DNAH5: variants seen among roughly 807,000 people sequenced by gnomAD.
DNAH5 encodes the protein dynein axonemal heavy chain 5.
In DNAH5, 372 loss-of-function variants were observed where a neutral mutation model predicts 518.2. The observed-to-expected ratio is 0.72, with a 90% CI of 0.66 to 0.78. DNAH5 has a LOEUF of 0.78. Among genes scored for constraint, DNAH5 ranks in the 30% least tolerant of loss-of-function variants. The pLI is 0.00. For missense variants in DNAH5, 5,523 were observed against 5,687.0 expected (o/e 0.97, Z 0.93); for synonymous variants, 2,039 against 2,025.9 (o/e 1.01, Z -0.17).
intron 1 of DNAH5, among the ~76,000 whole-genome samples, chr5:13,962,902 G>A (rs1050683792): frequency 2.0e-5 from 3 of 152,052 alleles, no homozygotes; most frequent in African/African-American, 7.2e-5. Flanking sequence ...AAACTGTCCC[G>A]GCAGCTGCTC....
chr5:13,786,048 G>A (rs1354366542), intron 52 of DNAH5, 131 bp downstream of exon 52: 1 of 885,416 alleles, frequency 1.1e-6, no homozygotes, highest in African/African-American at 1.7e-5. Context: ...AATTAAATTG[G>A]AATATAGCAT....
chr5:13,806,493 C>T (rs1338760408), intron 47 of DNAH5, among the ~76,000 whole-genome samples: 1 of 152,184 alleles, frequency 6.6e-6, no homozygotes, highest in Non-Finnish European at 1.5e-5. Context: ...ATGCCTTCAA[C>T]AAGTTTCATT....
intron 41 of DNAH5, among the ~76,000 whole-genome samples, chr5:13,818,583 G>A (rs1049858644): frequency 1.3e-5 from 2 of 152,118 alleles, no homozygotes; most frequent in African/African-American, 2.4e-5. Flanking sequence ...CTCAAGCCTC[G>A]GATGAAGTAG....
chr5:13,926,697 G>C (rs201771541), intron 3 of DNAH5, among the ~76,000 whole-genome samples: 1 of 132,594 alleles, frequency 7.5e-6, no homozygotes, highest in Non-Finnish European at 1.7e-5. Context: ...AGTTCAGAAG[G>C]ACTATCACCA....
At chr5:14,007,783 C>CA (rs928038773) in intron 1 of DNAH5, among the ~76,000 whole-genome samples, 19 of 151,516 alleles carry the variant, frequency 1.3e-4, no homozygotes, top group African/African-American at 4.6e-4. Flanking sequence ...TTGGTCCTCA[C>CA]AAAAAAAGAG....
chr5:13,799,715 A>G (rs1758439876), intron 47 of DNAH5, among the ~76,000 whole-genome samples: 1 of 152,086 alleles, frequency 6.6e-6, no homozygotes, highest in African/African-American at 2.4e-5. Flanking sequence ...AATGCTTGGA[A>G]CCAGAAGTGT....
chr5:13,991,898 A>G (rs1783585748), intron 1 of DNAH5, among the ~76,000 whole-genome samples: 1 of 152,226 alleles, frequency 6.6e-6, no homozygotes, highest in Non-Finnish European at 1.5e-5. Flanking sequence ...AAACAGGGTC[A>G]GGATTAAATT....
rs199643592 is a variant in DNAH5 at position 13,792,130 on chromosome 5, C to A, written c.8312G>T (p.Arg2771Leu). 1.2e-6 allele frequency: 2 copies of A among 1,613,890 alleles called. No homozygotes were observed. The highest frequency in any genetic ancestry group is 1.1e-5 in the South Asian group (1 of 91,060). The change falls in exon 50 of 79, where the codon CGC becomes CTC. Residue 2771 changes from arginine to leucine, a missense_variant. Arg to Leu is a moderately radical substitution (Grantham distance 102). Transcript: ENST00000265104. The stretch of plus-strand genomic sequence containing the variant: ...AATCTTGGTCATCTGCCATAGTCGG[C>A]GTGTCAGAGGCACCAATTTTGTCAC... Reference protein sequence around the residue: ...DSVTKLVPLTRRLWQMTKIKM... With the variant: ...DSVTKLVPLTLRLWQMTKIKM...
At chr5:13,713,374 C>T (rs1168144225) in intron 75 of DNAH5, among the ~76,000 whole-genome samples, 2 of 125,924 alleles carry the variant, frequency 1.6e-5, no homozygotes, top group Non-Finnish European at 3.3e-5. Flanking sequence ...TATATATATA[C>T]CGACATATAT....
intron 1 of DNAH5, among the ~76,000 whole-genome samples, chr5:14,009,559 G>T (rs187627563): frequency 6.6e-6 from 1 of 152,056 alleles, no homozygotes; most frequent in African/African-American, 2.4e-5. Flanking sequence ...CAATTATTAG[G>T]GCTACCAAAA....
chr5:14,004,522 C>A lies in DNAH5; in HGVS notation c.12+7126G>T, dbSNP rs1159405154. ...ATGCACCTTGCATTGCAAAAGTTAT[C>A]AATACCCAATGGCAGCAGCACACTG... On this transcript the variant is annotated intron_variant, in intron 1 of 78. Coordinates refer to the DNAH5 transcript ENST00000681290. Among the ~76,000 whole-genome samples the A allele has an allele frequency of 2.0e-5, 3 of 152,188 alleles. No individual in the cohort carries two copies. The East Asian group carries it at 5.8e-4, about 29-fold the overall frequency.
intron 29 of DNAH5, 136 bp downstream of exon 29, chr5:13,862,408 TAATC>T (rs1452514604): frequency 1.2e-5 from 9 of 782,102 alleles, no homozygotes; most frequent in African/African-American, 8.7e-5. Flanking sequence ...AAAAATTAAT[TAATC>T]AATGTAATTA....
chr5:13,882,879 A>C (rs772861284), intron 20 of DNAH5, 25 bp downstream of exon 20: 2 of 1,614,096 alleles, frequency 1.2e-6, no homozygotes, highest in Admixed American at 3.3e-5. Context: ...TTCCATATGA[A>C]ACCATTTCTG....
intron 75 of DNAH5, among the ~76,000 whole-genome samples, chr5:13,713,107 G>GTGTGTATATATATATATATC (rs70962100): frequency 7.1e-6 from 1 of 139,924 alleles, no homozygotes; most frequent in African/African-American, 2.7e-5. Flanking sequence ...GTGTGTGTGT[G>GTGTGTATATATATATATATC]TATATATATA....
At chr5:13,825,971 T>TA (rs1273410352) in intron 38 of DNAH5, among the ~76,000 whole-genome samples, 1 of 152,190 alleles carries the variant, frequency 6.6e-6, no homozygotes, top group Non-Finnish European at 1.5e-5. Flanking sequence ...ATGGAGCACA[T>TA]AAAAAATATT....
chr5:14,000,022 A>G (rs1784240969), intron 1 of DNAH5, among the ~76,000 whole-genome samples: 1 of 152,258 alleles, frequency 6.6e-6, no homozygotes, highest in Admixed American at 6.5e-5. Context: ...GCATCATAAT[A>G]CTGTTACGGG....
chr5:13,971,182 T>G (rs978758301), intron 1 of DNAH5, among the ~76,000 whole-genome samples: 1 of 152,060 alleles, frequency 6.6e-6, no homozygotes, highest in Admixed American at 6.6e-5. Context: ...TTATCCTGTA[T>G]CATTTTTTTA....
chr5:13,922,727 CAAAAAAAA>C (rs35310788), intron 4 of DNAH5, among the ~76,000 whole-genome samples: 9 of 94,456 alleles, frequency 9.5e-5, no homozygotes. Flanking sequence ...GACCCTGTCT[CAAAAAAAA>C]AAAAAAAAAA....
intron 58 of DNAH5, among the ~76,000 whole-genome samples, chr5:13,767,226 G>C (rs1463045515): frequency 1.3e-5 from 2 of 152,188 alleles, no homozygotes; most frequent in Non-Finnish European, 2.9e-5. Flanking sequence ...CCAGGTTCAA[G>C]TGATTCTCGT....
Sources: gnomAD v4.1 joint callset for allele counts (sites outside exome capture counted in the v4.1 genomes callset) on GRCh38, gnomAD v4.1.1 for gene constraint, MANE v1.5 for transcripts, NCBI Gene and HGNC (gene_info 2026-07-23, HGNC 2026-07-21) for gene names.